PHAF1: variants seen among roughly 807,000 people sequenced by gnomAD.
PHAF1 encodes phagophore assembly factor 1, also known as phagosome assembly factor 1.
Under a neutral mutation model 63.1 loss-of-function variants are expected in PHAF1, and 23 were observed. That is an observed-to-expected ratio of 0.36 (90% confidence interval 0.26 to 0.52). PHAF1 has a LOEUF of 0.52. Ranked by LOEUF, PHAF1 falls within the 20% of genes least tolerant of loss-of-function variation. PHAF1 has a pLI of 0.93. For synonymous variants in PHAF1, 167 were observed against 185.0 expected (o/e 0.90, Z 0.79); for missense variants, 427 against 517.2 (o/e 0.83, Z 1.69).
intron 6 of PHAF1, among the ~76,000 whole-genome samples, chr16:67,133,211 G>A (rs951414447): frequency 1.3e-5 from 2 of 152,108 alleles, no homozygotes; most frequent in African/African-American, 4.8e-5. Flanking sequence ...AGTTTTCCTG[G>A]TGGCCTAGAA....
chr16:67,114,470 G>A (rs983001852), intron 1 of PHAF1, among the ~76,000 whole-genome samples: 32 of 151,926 alleles, frequency 2.1e-4, no homozygotes, highest in African/African-American at 7.2e-4. Flanking sequence ...TACTGTGGAG[G>A]GGAAGAAGAA....
intron 1 of PHAF1, among the ~76,000 whole-genome samples, chr16:67,112,466 G>T (rs192475596): frequency 6.6e-6 from 1 of 151,710 alleles, no homozygotes; most frequent in African/African-American, 2.4e-5. Flanking sequence ...AGGCTGGGAG[G>T]TCAAGGCTGC....
chr16:67,138,203 T>C (rs529401782), intron 8 of PHAF1, among the ~76,000 whole-genome samples: 153 of 152,274 alleles, frequency 1.0e-3, no homozygotes, highest in Non-Finnish European at 1.5e-3. Flanking sequence ...AGAAATGTGT[T>C]AGGCCACTGG....
At chr16:67,112,436 T>G (rs1341073376) in intron 1 of PHAF1, among the ~76,000 whole-genome samples, 1 of 141,838 alleles carries the variant, frequency 7.1e-6, no homozygotes, top group African/African-American at 2.6e-5. Flanking sequence ...CTCGGGAGGC[T>G]GAGATGGAAG....
chr16:67,120,277 A>C (rs1165556591), intron 2 of PHAF1, 83 bp downstream of exon 2: 1 of 1,286,370 alleles, frequency 7.8e-7, no homozygotes, highest in Non-Finnish European at 1.1e-6. Context: ...GGATAGGCTG[A>C]CTGGCAAGGA....
At chr16:67,116,778 A>T (rs1306722846) in intron 1 of PHAF1, among the ~76,000 whole-genome samples, 1 of 152,076 alleles carries the variant, frequency 6.6e-6, no homozygotes, top group Non-Finnish European at 1.5e-5. Context: ...TGAGCCTGGG[A>T]GACAGAGGTT....
chr16:67,122,049 C>T (rs114027461), intron 2 of PHAF1, among the ~76,000 whole-genome samples: 7,364 of 152,008 alleles, frequency 0.048, 517 homozygotes, highest in African/African-American at 0.16. Flanking sequence ...AGGTTCATGC[C>T]ACCAGGCCTG....
At chr16:67,140,426 A>C in intron 9 of PHAF1, 85 bp from the exon 10 acceptor site, 1 of 1,202,666 alleles carries the variant, frequency 8.3e-7, no homozygotes, top group Non-Finnish European at 1.2e-6. Flanking sequence ...AATGTTACAC[A>C]TGGAACACAA....
intron 8 of PHAF1, among the ~76,000 whole-genome samples, chr16:67,138,447 G>A (rs943318692): frequency 2.6e-5 from 4 of 151,952 alleles, no homozygotes; most frequent in African/African-American, 9.7e-5. Flanking sequence ...GCCTTGTGCT[G>A]AGTAAGATGG....
rs1018979731 is a variant in PHAF1 at position 67,121,160 on chromosome 16, A to C, written c.147+966A>C. On this transcript the variant is annotated intron_variant, in intron 2 of 15. Transcript: ENST00000219139. The stretch of plus-strand genomic sequence containing the variant: ...GGAGTGGGCATGTGGTGCCTATGAC[A>C]GAACAGGGGACTTGTAGGAGTGGGC... Among the ~76,000 whole-genome samples, 89 of 152,006 alleles carry C rather than the reference A, an allele frequency of 5.9e-4. 1 individual carries two copies. Among genetic ancestry groups the C allele is most frequent in the African/African-American group, 2.0e-3 (84 of 41,508 alleles).
At position 67,129,695 on chromosome 16, in the gene PHAF1, C is replaced by T. The variant is rs370817841; in HGVS notation, c.232-1591C>T. ...AGCTGGAGGATGGTAGATGGTGCTC[C>T]GAGCCCCTACCTGTGCTGCTGGCTG... is the stretch of plus-strand genomic sequence containing the variant. On this transcript the variant is annotated intron_variant, in intron 3 of 15. Transcript: ENST00000219139. Among the ~76,000 whole-genome samples the T allele has an allele frequency of 2.0e-4, 30 of 152,298 alleles. No homozygotes were observed. The East Asian group carries it at 2.3e-3, about 12-fold the overall frequency.
chr16:67,146,561 G>A (rs909086700), intron 15 of PHAF1, among the ~76,000 whole-genome samples: 6 of 152,252 alleles, frequency 3.9e-5, no homozygotes, highest in Admixed American at 3.3e-4. Context: ...GGTCACAGAG[G>A]CCGAAGCAGT....
chr16:67,133,648 C>T (rs1249345723), intron 6 of PHAF1, among the ~76,000 whole-genome samples: 6 of 151,916 alleles, frequency 3.9e-5, no homozygotes, highest in East Asian at 1.9e-4. Flanking sequence ...GGTGTGGTGG[C>T]GGGTGCCTGT....
intron 1 of PHAF1, 34 bp downstream of exon 1, chr16:67,110,273 G>A (rs1189667937): frequency 6.5e-7 from 1 of 1,548,188 alleles, no homozygotes; most frequent in Admixed American, 2.0e-5. Flanking sequence ...GACCCCATTC[G>A]CTGATCCTTG....
At chr16:67,112,381 C>CAAAAA (rs964546436) in intron 1 of PHAF1, among the ~76,000 whole-genome samples, 2 of 45,374 alleles carry the variant, frequency 4.4e-5, no homozygotes, top group Non-Finnish European at 4.5e-5. Context: ...TCGTTTCTAC[C>CAAAAA]AAAAAAAAAA....
rs946843436 is a variant in PHAF1 at position 67,113,015 on chromosome 16, A to G, written c.64+2776A>G. ...TGCTTTAGAATTACATGCCTAGGCT[A>G]GTGAACCAGGAAGAACTTACCTCTT... On this transcript the variant is annotated intron_variant, in intron 1 of 15. Transcript: ENST00000219139. Among the ~76,000 whole-genome samples, 7 of 152,232 alleles carry G rather than the reference A, an allele frequency of 4.6e-5. No homozygotes were observed. The East Asian group carries it at 1.2e-3, about 25-fold the overall frequency.
chr16:67,111,093 C>T (rs1962496986), intron 1 of PHAF1, among the ~76,000 whole-genome samples: 1 of 152,154 alleles, frequency 6.6e-6, no homozygotes, highest in African/African-American at 2.4e-5. Flanking sequence ...GGATTACAGG[C>T]GTGAGCCACT....
At chr16:67,146,566 A>C (rs185271077) in intron 15 of PHAF1, among the ~76,000 whole-genome samples, 12 of 152,386 alleles carry the variant, frequency 7.9e-5, no homozygotes, top group Non-Finnish European at 1.5e-4. Flanking sequence ...CAGAGGCCGA[A>C]GCAGTGGTCT....
At chr16:67,129,784 C>A (rs752090202) in intron 3 of PHAF1, among the ~76,000 whole-genome samples, 1 of 152,226 alleles carries the variant, frequency 6.6e-6, no homozygotes. Flanking sequence ...CCACTGATGG[C>A]GGAGTGTTAG....
Sources: gnomAD v4.1 joint callset for allele counts (sites outside exome capture counted in the v4.1 genomes callset) on GRCh38, gnomAD v4.1.1 for gene constraint, MANE v1.5 for transcripts, NCBI Gene and HGNC (gene_info 2026-07-23, HGNC 2026-07-21) for gene names.